The following USP34 variants were observed in gnomAD, a reference collection of about 807,000 sequenced individuals.
USP34 encodes ubiquitin specific peptidase 34, also known as ubiquitin carboxyl-terminal hydrolase 34.
In USP34, 70 loss-of-function variants were observed where a neutral mutation model predicts 460.3. The observed-to-expected ratio is 0.15, with a 90% CI of 0.13 to 0.19. The LOEUF (loss-of-function observed/expected upper bound fraction) is 0.19. Ranked by LOEUF, USP34 falls within the 10% of genes least tolerant of loss-of-function variation. The probability of loss-of-function intolerance (pLI) is 1.00; values close to 1 mark genes in which losing one functional copy is unlikely to be tolerated. For missense variants in USP34, 3,985 were observed against 4,236.2 expected, an observed-to-expected ratio of 0.94 and a Z score of 1.65; for synonymous variants, 1,647 against 1,405.3, an observed-to-expected ratio of 1.17 and a Z score of -3.85.
chr2:61,216,787 G>A (rs1201987689), intron 67 of USP34, among the ~76,000 whole-genome samples: 4 of 151,042 alleles, frequency 2.6e-5, no homozygotes, highest in African/African-American at 9.7e-5. Flanking sequence ...GTGTGGTGGC[G>A]GGTGCCTGTA....
chr2:61,444,921 CA>C (rs34855063), intron 1 of USP34, among the ~76,000 whole-genome samples: 68 of 137,948 alleles, frequency 4.9e-4, no homozygotes, highest in Admixed American at 8.1e-4. Context: ...TCCTTAACAC[CA>C]AAAAAAAAAA....
chr2:61,189,421 C>T (rs189278207), intron 78 of USP34: 1,837 of 165,840 alleles, frequency 0.011, 10 homozygotes, highest in Non-Finnish European at 0.017. Context: ...TACAGGCGCC[C>T]GCCACCACGC....
At chr2:61,249,293 G>T (rs1384449475) in intron 48 of USP34, among the ~76,000 whole-genome samples, 1 of 152,150 alleles carries the variant, frequency 6.6e-6, no homozygotes, top group East Asian at 1.9e-4. Context: ...AATACAAACA[G>T]TACAATACTG....
intron 10 of USP34, among the ~76,000 whole-genome samples, chr2:61,368,683 A>G (rs368652035): frequency 5.9e-5 from 9 of 152,244 alleles, no homozygotes; most frequent in Non-Finnish European, 1.2e-4. Flanking sequence ...GGACACATAC[A>G]TAACACTTTA....
At chr2:61,427,799 G>C (rs935118427) in intron 1 of USP34, among the ~76,000 whole-genome samples, 1 of 152,120 alleles carries the variant, frequency 6.6e-6, no homozygotes, top group African/African-American at 2.4e-5. Flanking sequence ...GGAGAAAAAA[G>C]AAAACGGAAT....
chr2:61,312,082 G>GT (rs1158391141), intron 25 of USP34, among the ~76,000 whole-genome samples, 172 bp from the exon 26 acceptor site: 1 of 151,828 alleles, frequency 6.6e-6, no homozygotes, highest in Non-Finnish European at 1.5e-5. Context: ...TGAATCAAAC[G>GT]TAACTGCATA....
At chr2:61,372,910 A>T in intron 8 of USP34, among the ~76,000 whole-genome samples, 1 of 152,196 alleles carries the variant, frequency 6.6e-6, no homozygotes, top group Non-Finnish European at 1.5e-5. Context: ...CACAACCAAG[A>T]AGTAGAACAA....
intron 75 of USP34, among the ~76,000 whole-genome samples, chr2:61,195,235 G>A (rs1295842962): frequency 1.3e-5 from 2 of 151,706 alleles, no homozygotes; most frequent in East Asian, 2.0e-4. Context: ...TTGTAGAAAT[G>A]GGGTCTTGCC....
intron 37 of USP34, 141 bp from the exon 38 acceptor site, chr2:61,281,383 AGGAG>A: frequency 3.6e-6 from 4 of 1,100,368 alleles, no homozygotes; most frequent in Non-Finnish European, 5.0e-6. Context: ...AGGCCCAGGC[AGGAG>A]GATAACCTGT....
At chr2:61,393,806 T>C (rs1011786505) in intron 5 of USP34, among the ~76,000 whole-genome samples, 1 of 152,242 alleles carries the variant, frequency 6.6e-6, no homozygotes, top group African/African-American at 2.4e-5. Flanking sequence ...GAATAGGTTA[T>C]TAAAGAATGA....
rs1443899405 is a variant in USP34 at position 61,223,168 on chromosome 2, T to C, written c.7645-4A>G. On this transcript the variant is annotated splice_polypyrimidine_tract_variant and splice_region_variant and intron_variant, in intron 63 of 79. Coordinates refer to ENST00000398571, the MANE Select transcript of USP34 (RefSeq NM_014709.4). ...GTTGAAACAAGAAGGGAAATCCCTGTCAAAAGCAAAAGTTGTTCATTTAAG... is the reference window on the plus strand; with the variant it reads ...GTTGAAACAAGAAGGGAAATCCCTGCCAAAAGCAAAAGTTGTTCATTTAAG... 1.9e-6 allele frequency: 3 copies of C among 1,613,550 alleles called. No homozygotes were observed. Among genetic ancestry groups the C allele is most frequent in the South Asian group, 2.2e-5 (2 of 90,926 alleles).
At chr2:61,271,448 T>C (rs1489665808) in intron 41 of USP34, among the ~76,000 whole-genome samples, 2 of 152,210 alleles carry the variant, frequency 1.3e-5, no homozygotes, top group African/African-American at 2.4e-5. Flanking sequence ...ATAAGACAAA[T>C]GTACTGTTTG....
intron 69 of USP34, among the ~76,000 whole-genome samples, chr2:61,210,611 C>A (rs999963699): frequency 6.6e-6 from 1 of 152,224 alleles, no homozygotes; most frequent in African/African-American, 2.4e-5. Context: ...TTACTGTTAA[C>A]AGGTCTTCTT....
chr2:61,208,820 C>G, intron 70 of USP34, 79 bp downstream of exon 70: 1 of 1,074,348 alleles, frequency 9.3e-7, no homozygotes, highest in Non-Finnish European at 1.3e-6. Flanking sequence ...ACCATAAACT[C>G]TAAATGTCTA....
chr2:61,427,798 A>C (rs1014490355), intron 1 of USP34, among the ~76,000 whole-genome samples: 7 of 152,214 alleles, frequency 4.6e-5, no homozygotes. Context: ...AGGAGAAAAA[A>C]GAAAACGGAA....
intron 41 of USP34, among the ~76,000 whole-genome samples, chr2:61,273,698 G>C (rs940905365): frequency 2.0e-5 from 3 of 152,160 alleles, no homozygotes; most frequent in Non-Finnish European, 2.9e-5. Context: ...CTGGGTGACA[G>C]AGTGAGACAC....
intron 1 of USP34, among the ~76,000 whole-genome samples, chr2:61,437,192 A>G (rs925272715): frequency 6.6e-6 from 1 of 152,202 alleles, no homozygotes. Context: ...GAGCTGAAAT[A>G]AACAAAATTG....
At chr2:61,217,475 T>A (rs1286905513) in intron 67 of USP34, among the ~76,000 whole-genome samples, 1 of 152,254 alleles carries the variant, frequency 6.6e-6, no homozygotes, top group Non-Finnish European at 1.5e-5. Context: ...ATATTTGGAC[T>A]CTTATCAAGT....
intron 66 of USP34, 30 bp downstream of exon 66, chr2:61,221,472 A>G: frequency 6.4e-7 from 1 of 1,574,342 alleles, no homozygotes; most frequent in Non-Finnish European, 8.6e-7. Context: ...CAGGAAAATA[A>G]ACATTGAAAA....
Sources: allele counts gnomAD v4.1 joint callset (sites outside exome capture counted in the v4.1 genomes callset), GRCh38; gene constraint gnomAD v4.1.1; transcripts MANE v1.5; gene names NCBI Gene and HGNC (gene_info 2026-07-23, HGNC 2026-07-21).